The following TSHZ2 variants were observed in gnomAD, a reference collection of about 807,000 sequenced individuals.
The protein encoded by TSHZ2 is teashirt zinc finger homeobox 2, also known as teashirt homolog 2.
In TSHZ2, 21 loss-of-function variants were observed where a neutral mutation model predicts 74.4. That is an observed-to-expected ratio of 0.28 (90% CI 0.20 to 0.41). TSHZ2 has a LOEUF of 0.41. Among genes scored for constraint, TSHZ2 ranks in the 10% least tolerant of loss-of-function variants. The pLI is 1.00. For missense variants in TSHZ2, 1,244 were observed against 1,293.5 expected, an observed-to-expected ratio of 0.96 and a Z score of 0.59; for synonymous variants, 540 against 515.3, an observed-to-expected ratio of 1.05 and a Z score of -0.65.
At chr20:53,331,366 G>A (rs1176039629) in intron 2 of TSHZ2, among the ~76,000 whole-genome samples, 1 of 152,174 alleles carries the variant, frequency 6.6e-6, no homozygotes. Flanking sequence ...CAGAAAAGCA[G>A]GCAAAAACCG....
At chr20:53,466,679 T>A (rs780796743) in intron 2 of TSHZ2, among the ~76,000 whole-genome samples, 1 of 152,192 alleles carries the variant, frequency 6.6e-6, no homozygotes, top group Non-Finnish European at 1.5e-5. Flanking sequence ...TATATGACAA[T>A]TGTCAAGTGT....
chr20:53,182,683 C>T lies in TSHZ2; in HGVS notation c.41-70816C>T, dbSNP rs536717497. 1.2e-4 allele frequency among the ~76,000 whole-genome samples: 18 copies of T among 152,294 alleles called. No homozygotes were observed. The South Asian group carries it at 3.7e-3, about 32-fold the overall frequency. ...TCTCTCTTTCCCTTTGATAAACGTGCTCAGAGTAAAAAACAACCAACTACC... is the reference window on the plus strand; with the variant it reads ...TCTCTCTTTCCCTTTGATAAACGTGTTCAGAGTAAAAAACAACCAACTACC... On this transcript the variant is annotated intron_variant, in intron 1 of 2. Transcript: ENST00000371497.
intron 1 of TSHZ2, among the ~76,000 whole-genome samples, chr20:53,224,411 G>A (rs1308876896): frequency 6.6e-6 from 1 of 152,090 alleles, no homozygotes; most frequent in African/African-American, 2.4e-5. Flanking sequence ...GGTGGTTTTG[G>A]GCAAATTACT....
At chr20:53,402,052 G>C (rs1284792011) in intron 2 of TSHZ2, among the ~76,000 whole-genome samples, 5 of 152,008 alleles carry the variant, frequency 3.3e-5, no homozygotes, top group Non-Finnish European at 7.4e-5. Flanking sequence ...CAAAGTGCCG[G>C]GATTACAGGC....
chr20:53,095,680 G>A (rs558416242), intron 1 of TSHZ2, among the ~76,000 whole-genome samples: 10 of 152,256 alleles, frequency 6.6e-5, no homozygotes, highest in East Asian at 1.9e-4. Context: ...ATAATTCTTC[G>A]TTATGGGGCT....
intron 2 of TSHZ2, among the ~76,000 whole-genome samples, chr20:53,261,334 C>T (rs1239887877): frequency 1.3e-5 from 2 of 152,210 alleles, no homozygotes; most frequent in African/African-American, 4.8e-5. Flanking sequence ...TGTTCTCTTT[C>T]TTTTAATGCT....
At chr20:53,374,153 C>A (rs772915093) in intron 2 of TSHZ2, among the ~76,000 whole-genome samples, 1 of 152,162 alleles carries the variant, frequency 6.6e-6, no homozygotes, top group Non-Finnish European at 1.5e-5. Flanking sequence ...TCCCTTCACC[C>A]TCCAGTAGGC....
At chr20:53,277,014 G>A (rs1990962734) in intron 2 of TSHZ2, among the ~76,000 whole-genome samples, 1 of 152,212 alleles carries the variant, frequency 6.6e-6, no homozygotes, top group South Asian at 2.1e-4. Flanking sequence ...CTGAAATAGA[G>A]AAGCAAAACA....
intron 1 of TSHZ2, among the ~76,000 whole-genome samples, chr20:53,087,664 ACTTT>A (rs1284399506): frequency 6.6e-6 from 1 of 152,210 alleles, no homozygotes; most frequent in African/African-American, 2.4e-5. Flanking sequence ...CTTGGAAAAG[ACTTT>A]CTTTTTTGAT....
rs1470951083 is a variant in TSHZ2, at chr20:53,118,532, G to C, written c.41-134967G>C. On this transcript the variant is annotated intron_variant, in intron 1 of 2. Transcript: ENST00000371497. ...AATCTGATCTTGGTCTGAAGCACAGGCAGAGGGCTCTGGAACATAAACTCC... is the reference window on the plus strand; with the variant it reads ...AATCTGATCTTGGTCTGAAGCACAGCCAGAGGGCTCTGGAACATAAACTCC... 2.0e-5 allele frequency among the ~76,000 whole-genome samples: 3 copies of C among 152,210 alleles called. 1 individual carries two copies. The highest frequency in any genetic ancestry group is 1.3e-4 in the Admixed American group (2 of 15,278).
chr20:53,097,428 C>T (rs550910351), intron 1 of TSHZ2, among the ~76,000 whole-genome samples: 4 of 152,290 alleles, frequency 2.6e-5, no homozygotes, highest in African/African-American at 9.6e-5. Context: ...ATGGGGAAAG[C>T]ATTCCCATCT....
intron 2 of TSHZ2, among the ~76,000 whole-genome samples, chr20:53,311,493 T>G (rs374366254): frequency 6.6e-6 from 1 of 152,214 alleles, no homozygotes; most frequent in African/African-American, 2.4e-5. Context: ...GTTTGTTTGG[T>G]TGGTGAGAGT....
chr20:53,185,283 A>G (rs187695262), intron 1 of TSHZ2: 1 of 1,023,904 alleles, frequency 9.8e-7, no homozygotes, highest in Non-Finnish European at 1.2e-6. Flanking sequence ...CAAATTGGAC[A>G]TTTATTTTTC....
At chr20:53,011,187 G>A (rs1982837443) in intron 1 of TSHZ2, among the ~76,000 whole-genome samples, 1 of 152,146 alleles carries the variant, frequency 6.6e-6, no homozygotes, top group African/African-American at 2.4e-5. Context: ...TTTGTTTGCT[G>A]TGTTTTAAGT....
intron 2 of TSHZ2, among the ~76,000 whole-genome samples, chr20:53,414,184 A>C (rs556644346): frequency 4.6e-5 from 7 of 152,056 alleles, no homozygotes; most frequent in Non-Finnish European, 7.4e-5. Flanking sequence ...ATATACACAC[A>C]CTCATGTTTA....
chr20:53,248,818 G>A (rs1361508863), intron 1 of TSHZ2, among the ~76,000 whole-genome samples: 1 of 152,026 alleles, frequency 6.6e-6, no homozygotes, highest in Non-Finnish European at 1.5e-5. Context: ...TGATTTATGG[G>A]GATGCTCTGG....
chr20:53,046,966 A>G (rs1984251237), intron 1 of TSHZ2, among the ~76,000 whole-genome samples: 1 of 152,202 alleles, frequency 6.6e-6, no homozygotes, highest in Admixed American at 6.5e-5. Context: ...AGGAGAGGGC[A>G]GAGTCTCAAG....
intron 2 of TSHZ2, among the ~76,000 whole-genome samples, chr20:53,414,146 T>A (rs911497437): frequency 6.6e-6 from 1 of 151,760 alleles, no homozygotes; most frequent in Non-Finnish European, 1.5e-5. Context: ...AAATAAAATT[T>A]AAAAAATTTA....
intron 2 of TSHZ2, among the ~76,000 whole-genome samples, chr20:53,415,552 A>G (rs1324012071): frequency 1.3e-5 from 2 of 151,918 alleles, no homozygotes; most frequent in Admixed American, 1.3e-4. Flanking sequence ...ACTATCCTAA[A>G]ACTATTACAG....
Sources: allele counts gnomAD v4.1 joint callset (sites outside exome capture counted in the v4.1 genomes callset), GRCh38; gene constraint gnomAD v4.1.1; transcripts MANE v1.5; gene names NCBI Gene and HGNC (gene_info 2026-07-23, HGNC 2026-07-21).